The following CA10 variants were observed in gnomAD, a reference collection of about 807,000 sequenced individuals.
The protein encoded by CA10 is carbonic anhydrase-related protein 10.
In CA10, 14 loss-of-function variants were observed where a neutral mutation model predicts 44.2. The ratio of observed to expected loss-of-function variants is 0.32; its 90% CI spans 0.21 to 0.50. The LOEUF is 0.50. Ranked by LOEUF, CA10 falls within the 20% of genes least tolerant of loss-of-function variation. The probability of loss-of-function intolerance (pLI) is 0.99; values close to 1 mark genes in which losing one functional copy is unlikely to be tolerated. For missense variants in CA10, 350 were observed against 409.7 expected (o/e 0.85, Z 1.26); for synonymous variants, 159 against 141.6 (o/e 1.12, Z -0.87).
intron 4 of CA10, among the ~76,000 whole-genome samples, chr17:51,711,621 G>T (rs75124899): frequency 0.051 from 7,717 of 152,274 alleles, 328 homozygotes; most frequent in African/African-American, 0.094. Flanking sequence ...CTGAGGATAT[G>T]GTCCCCAGAA....
At chr17:51,803,203 G>T (rs1907003524) in intron 3 of CA10, among the ~76,000 whole-genome samples, 1 of 152,198 alleles carries the variant, frequency 6.6e-6, no homozygotes, top group Admixed American at 6.5e-5. Flanking sequence ...AAGGAGATGG[G>T]TTTGGGGTTT....
At chr17:51,890,559 A>T (rs1003913872) in intron 3 of CA10, among the ~76,000 whole-genome samples, 51 of 152,182 alleles carry the variant, frequency 3.4e-4, no homozygotes, top group African/African-American at 1.1e-3. Flanking sequence ...GTTATGGTGT[A>T]CCTGTAGCTT....
At chr17:51,929,715 T>G (rs995645185) in intron 3 of CA10, among the ~76,000 whole-genome samples, 3 of 152,162 alleles carry the variant, frequency 2.0e-5, no homozygotes. Flanking sequence ...TTCACCTTTT[T>G]AAAGAGAAAT....
intron 3 of CA10, among the ~76,000 whole-genome samples, chr17:51,896,924 A>AT (rs145204731): frequency 0.11 from 15,964 of 149,790 alleles, 1,098 homozygotes; most frequent in African/African-American, 0.2. Flanking sequence ...CCACTTTTAA[A>AT]TTTTTTTTTT....
chr17:51,897,017 G>C (rs1981099768), intron 3 of CA10, among the ~76,000 whole-genome samples: 1 of 151,952 alleles, frequency 6.6e-6, no homozygotes, highest in Non-Finnish European at 1.5e-5. Flanking sequence ...CTATTCTGTA[G>C]GTTCTCTGTT....
At chr17:51,664,606 T>G (rs1045128452) in intron 4 of CA10, among the ~76,000 whole-genome samples, 4 of 150,388 alleles carry the variant, frequency 2.7e-5, no homozygotes, top group Admixed American at 6.6e-5. Flanking sequence ...ATGCCTGGGA[T>G]GTCTTTTGCC....
intron 4 of CA10, among the ~76,000 whole-genome samples, chr17:51,693,436 A>C (rs1476369431): frequency 6.6e-6 from 1 of 152,142 alleles, no homozygotes; most frequent in Non-Finnish European, 1.5e-5. Flanking sequence ...GATTGTTCCC[A>C]TCACCAAGGT....
intron 3 of CA10, among the ~76,000 whole-genome samples, chr17:51,797,640 G>A (rs1294469544): frequency 6.6e-6 from 1 of 151,994 alleles, no homozygotes; most frequent in African/African-American, 2.4e-5. Context: ...CGGATCACGA[G>A]GTCAGGATTT....
At chr17:51,717,707 A>ATG (rs1419560073) in intron 4 of CA10, among the ~76,000 whole-genome samples, 2,427 of 66,072 alleles carry the variant, frequency 0.037, 445 homozygotes, top group Non-Finnish European at 0.051. Context: ...GCATGTATAT[A>ATG]TACATATATA....
At chr17:52,094,106 G>A (rs553513067) in intron 1 of CA10, among the ~76,000 whole-genome samples, 6 of 152,200 alleles carry the variant, frequency 3.9e-5, no homozygotes, top group African/African-American at 1.4e-4. Context: ...AGAACACATG[G>A]ACACAGGGAG....
intron 1 of CA10, among the ~76,000 whole-genome samples, chr17:52,111,006 G>C (rs1181758641): frequency 1.3e-5 from 2 of 152,124 alleles, no homozygotes; most frequent in African/African-American, 4.8e-5. Flanking sequence ...ACATGACAGG[G>C]ACTCAATAAA....
chr17:51,632,625 T>G (rs1160087165), intron 8 of CA10, among the ~76,000 whole-genome samples: 1 of 152,150 alleles, frequency 6.6e-6, no homozygotes, highest in African/African-American at 2.4e-5. Context: ...GCATAGGAAC[T>G]GTCACGAAGA....
chr17:51,833,632 A>C (rs1908366036), intron 3 of CA10, among the ~76,000 whole-genome samples: 1 of 152,204 alleles, frequency 6.6e-6, no homozygotes, highest in African/African-American at 2.4e-5. Context: ...GAAAGGCAGG[A>C]CTGTCTGTCA....
At chr17:52,049,193 A>G (rs1245267532) in intron 2 of CA10, among the ~76,000 whole-genome samples, 2 of 152,122 alleles carry the variant, frequency 1.3e-5, no homozygotes, top group Non-Finnish European at 2.9e-5. Flanking sequence ...TGATTGCGAG[A>G]GTCTCACTGA....
chr17:52,032,158 A>G (rs759608784), intron 2 of CA10, among the ~76,000 whole-genome samples: 7 of 152,310 alleles, frequency 4.6e-5, no homozygotes, highest in Non-Finnish European at 1.0e-4. Flanking sequence ...AATCCCAGAC[A>G]TGGTTAAAAA....
At chr17:52,121,331 T>C (rs1342064614) in intron 1 of CA10, among the ~76,000 whole-genome samples, 1 of 152,170 alleles carries the variant, frequency 6.6e-6, no homozygotes, top group Non-Finnish European at 1.5e-5. Context: ...TCCTTGATTC[T>C]GCTATTATTG....
intron 3 of CA10, among the ~76,000 whole-genome samples, chr17:51,791,167 A>G (rs1598046894): frequency 6.6e-6 from 1 of 152,202 alleles, no homozygotes; most frequent in Non-Finnish European, 1.5e-5. Context: ...GGTAATGGTA[A>G]TGGTACTCTT....
intron 6 of CA10, among the ~76,000 whole-genome samples, chr17:51,645,436 A>T (rs1210018340): frequency 6.6e-6 from 1 of 152,202 alleles, no homozygotes; most frequent in African/African-American, 2.4e-5. Flanking sequence ...GTCCCTCTGA[A>T]TGACTGATTT....
rs141832473 is a variant in CA10 at position 51,779,434 on chromosome 17, A to G, written c.280-31616T>C. The stretch of plus-strand genomic sequence containing the variant: ...CTCAGATTCAATTAGCAAAACTGCA[A>G]TGATTCACACAGGGTTACGCTGGAA... On this transcript the variant is annotated intron_variant, in intron 3 of 8. Coordinates refer to ENST00000451037, the MANE Select transcript of CA10 (RefSeq NM_020178.5). Among the ~76,000 whole-genome samples the G allele has an allele frequency of 3.7e-3, 556 of 152,326 alleles. 2 individuals carry two copies. The highest frequency in any genetic ancestry group is 0.013 in the African/African-American group (528 of 41,590).
Sources: gnomAD v4.1 joint callset for allele counts (sites outside exome capture counted in the v4.1 genomes callset) on GRCh38, gnomAD v4.1.1 for gene constraint, MANE v1.5 for transcripts, NCBI Gene and HGNC (gene_info 2026-07-23, HGNC 2026-07-21) for gene names.